The following TNS3 variants were observed in gnomAD, a reference collection of about 807,000 sequenced individuals.
The protein encoded by TNS3 is tensin-3.
Under a neutral mutation model 140.9 loss-of-function variants are expected in TNS3, and 45 were observed. The ratio of observed to expected loss-of-function variants is 0.32; its 90% confidence interval spans 0.25 to 0.41. The LOEUF (loss-of-function observed/expected upper bound fraction) is 0.41, where lower values mean the gene tolerates loss of function less well. Ranked by LOEUF, TNS3 falls within the 10% of genes least tolerant of loss-of-function variation. The probability of loss-of-function intolerance (pLI) is 1.00; values close to 1 mark genes in which losing one functional copy is unlikely to be tolerated. For synonymous variants in TNS3, 815 were observed against 788.4 expected (o/e 1.03, Z -0.56); for missense variants, 1,716 against 1,906.7 (o/e 0.90, Z 1.86).
intron 3 of TNS3, among the ~76,000 whole-genome samples, chr7:47,495,190 C>CAAAAA (rs11353260): frequency 3.8e-5 from 3 of 79,678 alleles, no homozygotes; most frequent in African/African-American, 9.0e-5. Context: ...GACTCCGTCT[C>CAAAAA]AAAAAAAAAA....
intron 4 of TNS3, among the ~76,000 whole-genome samples, chr7:47,454,444 G>A (rs774191330): frequency 6.6e-6 from 1 of 152,172 alleles, no homozygotes; most frequent in Non-Finnish European, 1.5e-5. Flanking sequence ...AACACCACCA[G>A]CCTCCCAGGA....
At chr7:47,531,977 G>A (rs1799422100) in intron 1 of TNS3, among the ~76,000 whole-genome samples, 1 of 152,144 alleles carries the variant, frequency 6.6e-6, no homozygotes. Flanking sequence ...AAAAGCAGGA[G>A]CTCCCTGAGT....
At chr7:47,528,900 G>C in intron 2 of TNS3, 136 bp downstream of exon 2, 1 of 399,928 alleles carries the variant, frequency 2.5e-6, no homozygotes, top group Non-Finnish European at 4.3e-6. Flanking sequence ...GGGGGTAGGG[G>C]GTTGGGGGAC....
chr7:47,438,338 T>C (rs1425236912), intron 6 of TNS3, among the ~76,000 whole-genome samples: 6 of 151,688 alleles, frequency 4.0e-5, no homozygotes, highest in Non-Finnish European at 8.8e-5. Flanking sequence ...GCCCTCTGCA[T>C]GGTCTCTTTG....
chr7:47,451,822 G>A (rs1445223029), intron 4 of TNS3, among the ~76,000 whole-genome samples: 1 of 152,196 alleles, frequency 6.6e-6, no homozygotes, highest in Admixed American at 6.5e-5. Flanking sequence ...ACATTCAGCT[G>A]GCAAATTTCA....
intron 20 of TNS3, among the ~76,000 whole-genome samples, chr7:47,336,206 A>G (rs1331087780): frequency 6.7e-6 from 1 of 148,956 alleles, no homozygotes; most frequent in Non-Finnish European, 1.5e-5. Flanking sequence ...AAAAAAAAAA[A>G]AGGCAGTGAA....
intron 2 of TNS3, among the ~76,000 whole-genome samples, chr7:47,513,112 T>C (rs1194137970): frequency 2.0e-5 from 3 of 152,212 alleles, no homozygotes; most frequent in African/African-American, 7.2e-5. Context: ...ATTCATAATA[T>C]AGTGAAGTCT....
chr7:47,468,274 C>G (rs1197570101), intron 4 of TNS3, among the ~76,000 whole-genome samples: 3 of 152,094 alleles, frequency 2.0e-5, no homozygotes, highest in Admixed American at 1.3e-4. Flanking sequence ...AACCCCGTCT[C>G]TAGTAAAAAT....
chr7:47,541,757 G>T (rs1799794956), intron 1 of TNS3, among the ~76,000 whole-genome samples: 1 of 151,988 alleles, frequency 6.6e-6, no homozygotes, highest in Non-Finnish European at 1.5e-5. Flanking sequence ...GACCATCCTG[G>T]CTAACACGGT....
chr7:47,442,961 C>A (rs942172731), intron 4 of TNS3, among the ~76,000 whole-genome samples: 3 of 152,208 alleles, frequency 2.0e-5, no homozygotes, highest in South Asian at 2.1e-4. Context: ...AAAACAAATT[C>A]TATGTATATT....
intron 20 of TNS3, among the ~76,000 whole-genome samples, chr7:47,344,071 C>T (rs1489066290): frequency 6.6e-6 from 1 of 152,164 alleles, no homozygotes; most frequent in Admixed American, 6.5e-5. Context: ...ATGAACGAAA[C>T]TCCCAGAGAA....
At chr7:47,298,617 A>C (rs1380844171) in intron 23 of TNS3, among the ~76,000 whole-genome samples, 1 of 152,226 alleles carries the variant, frequency 6.6e-6, no homozygotes, top group African/African-American at 2.4e-5. Context: ...TGGAATGCCA[A>C]AGGCTCTGCC....
chr7:47,510,854 T>G (rs1402869484), intron 2 of TNS3, among the ~76,000 whole-genome samples: 1 of 125,876 alleles, frequency 7.9e-6, no homozygotes, highest in Non-Finnish European at 1.7e-5. Context: ...AGAGTAAGAC[T>G]GTCTTTAAAA....
chr7:47,439,064 C>T (rs1030328193), intron 6 of TNS3, among the ~76,000 whole-genome samples: 1 of 152,224 alleles, frequency 6.6e-6, no homozygotes, highest in African/African-American at 2.4e-5. Context: ...TCCTTGTCTC[C>T]AGGGCAGCCC....
At chr7:47,430,969 C>G (rs1268616160) in intron 8 of TNS3, among the ~76,000 whole-genome samples, 1 of 151,976 alleles carries the variant, frequency 6.6e-6, no homozygotes, top group Non-Finnish European at 1.5e-5. Flanking sequence ...GTGATCTGCC[C>G]GCCTTGGCCT....
intron 20 of TNS3, among the ~76,000 whole-genome samples, chr7:47,310,579 A>T (rs533637984): frequency 6.6e-6 from 1 of 152,354 alleles, no homozygotes; most frequent in African/African-American, 2.4e-5. Flanking sequence ...AGGAAACATG[A>T]CAAATGAAAA....
At chr7:47,468,558 A>C (rs992384996) in intron 4 of TNS3, among the ~76,000 whole-genome samples, 18 of 152,250 alleles carry the variant, frequency 1.2e-4, no homozygotes, top group Non-Finnish European at 2.1e-4. Context: ...CATATTTAAA[A>C]TGCGTGACTA....
intron 8 of TNS3, 93 bp downstream of exon 8, chr7:47,435,189 C>T (rs896789062): frequency 9.1e-6 from 14 of 1,535,524 alleles, no homozygotes; most frequent in Middle Eastern, 2.3e-4. Flanking sequence ...CAGCTCAAAG[C>T]GGAAATGTGC....
At chr7:47,458,683 G>A (rs989251205) in intron 4 of TNS3, among the ~76,000 whole-genome samples, 1 of 152,132 alleles carries the variant, frequency 6.6e-6, no homozygotes, top group African/African-American at 2.4e-5. Flanking sequence ...ATCCCTTCCC[G>A]CAGGTGCAGG....
Sources: allele counts gnomAD v4.1 joint callset (sites outside exome capture counted in the v4.1 genomes callset), GRCh38; gene constraint gnomAD v4.1.1; transcripts MANE v1.5; gene names NCBI Gene and HGNC (gene_info 2026-07-23, HGNC 2026-07-21).